The following SPATS1 variants were observed in gnomAD, a reference collection of about 807,000 sequenced individuals.
SPATS1 encodes spermatogenesis-associated serine-rich protein 1.
Under a neutral mutation model 33.6 loss-of-function variants are expected in SPATS1, and 23 were observed. That is an observed-to-expected ratio of 0.68 (90% CI 0.49 to 0.97). The LOEUF (loss-of-function observed/expected upper bound fraction) is 0.97. Ranked by LOEUF, SPATS1 falls within the 50% of genes least tolerant of loss-of-function variation. The pLI is 0.00. For synonymous variants in SPATS1, 131 were observed against 125.6 expected (o/e 1.04, Z -0.29); for missense variants, 327 against 361.0 (o/e 0.91, Z 0.76).
intron 5 of SPATS1, among the ~76,000 whole-genome samples, chr6:44,367,369 T>C (rs894297739): frequency 6.6e-6 from 1 of 152,208 alleles, no homozygotes; most frequent in Non-Finnish European, 1.5e-5. Context: ...CTGCTTTGAA[T>C]CCTCAGCATC....
intron 8 of SPATS1, 41 bp from the exon 9 acceptor site, chr6:44,376,994 G>C: frequency 1.2e-6 from 2 of 1,613,128 alleles, no homozygotes; most frequent in Non-Finnish European, 1.7e-6. Flanking sequence ...TGTTAGTTTT[G>C]TAATGGAAGA....
chr6:44,365,299 A>G (rs1258086964), intron 5 of SPATS1, among the ~76,000 whole-genome samples: 1 of 152,244 alleles, frequency 6.6e-6, no homozygotes, highest in Non-Finnish European at 1.5e-5. Context: ...AATGCCATCT[A>G]TGATTGTAGG....
At chr6:44,345,165 A>G (rs562257289) in intron 2 of SPATS1, among the ~76,000 whole-genome samples, 2 of 151,718 alleles carry the variant, frequency 1.3e-5, no homozygotes, top group East Asian at 1.9e-4. Flanking sequence ...ATCTTCTTTT[A>G]CCAGGGGAGG....
chr6:44,376,427 C>CA lies in SPATS1; in HGVS notation c.830dup (p.Asn277LysfsTer45), dbSNP rs1338899313. ...AGATACAAGAGGTTGAGGAGCTTGA[C>CA]AACTGGCAGCCAGCAGTGCCCTTAA... is the stretch of plus-strand genomic sequence containing the variant. On this transcript the variant is annotated frameshift_variant, in exon 8 of 9. Transcript: ENST00000674044. LOFTEE classifies it low-confidence loss of function (END_TRUNC). The CA allele has an allele frequency of 1.2e-6, 2 of 1,612,634 alleles. No homozygotes were observed. The highest frequency in any genetic ancestry group is 2.7e-5 in the African/African-American group (2 of 74,858).
chr6:44,361,630 A>G (rs1788926462), intron 4 of SPATS1: 1 of 787,916 alleles, frequency 1.3e-6, no homozygotes, highest in Non-Finnish European at 1.5e-6. Context: ...CCTCTTAGAT[A>G]GCTCTCCCCT....
Position 44,368,501 on chromosome 6 carries a change from T to A in SPATS1, c.695+2T>A, listed in dbSNP as rs1210157885. On this transcript the variant is annotated splice_donor_variant, in intron 6 of 8. Coordinates refer to ENST00000674044, the MANE Select transcript of SPATS1 (RefSeq NM_001372081.1). LOFTEE classifies it high-confidence loss of function. ...GCTCCCACCAGTGAATTTTTCAATG[T>A]AAGTGTATGTTAATACTAGCATTAT... 1 of 1,610,478 alleles carries A rather than the reference T, an allele frequency of 6.2e-7. No homozygotes were observed. Among genetic ancestry groups the A allele is most frequent in the East Asian group, 2.2e-5 (1 of 44,820 alleles).
Position 44,378,251 on chromosome 6 carries a change from A to T in SPATS1, c.*1188A>T, listed in dbSNP as rs1790058587. 6.6e-6 allele frequency: 1 copy of T among 152,130 alleles called. No homozygotes were observed. Among genetic ancestry groups the T allele is most frequent in the Non-Finnish European group, 1.5e-5 (1 of 68,034 alleles). The allele number at this position is 152,130 out of a possible 1,614,324, so 9.4% of individuals were successfully genotyped here. On this transcript the variant is annotated 3_prime_UTR_variant, in exon 9 of 9. Coordinates refer to ENST00000674044, the MANE Select transcript of SPATS1 (RefSeq NM_001372081.1). ...AAAGCTGCCTCACAGGCTTTGACAC[A>T]GTCAAACTAGTGACTCACGGCATTT...
rs1238335108 is a variant in SPATS1, at chr6:44,342,650, G to T, written c.-119G>T. The T allele has an allele frequency of 2.2e-6, 1 of 456,230 alleles. No homozygotes were observed. The highest frequency in any genetic ancestry group is 4.4e-6 in the Non-Finnish European group (1 of 226,954). The allele number at this position is 456,230 out of a possible 1,614,324, so 28.3% of individuals were successfully genotyped here. A position where few individuals can be genotyped will look rare whatever the true frequency, so the allele number is the denominator to read the frequency against. On this transcript the variant is annotated 5_prime_UTR_variant, in exon 1 of 9. Coordinates refer to ENST00000674044, the MANE Select transcript of SPATS1 (RefSeq NM_001372081.1). The stretch of plus-strand genomic sequence containing the variant: ...CTGGAGCCGGTGTCCCGGCAACCCC[G>T]GAACGCGCCTCTGTGGGAGAAGCAG...
chr6:44,375,244 G>T (rs1448073985), intron 7 of SPATS1, among the ~76,000 whole-genome samples: 1 of 152,174 alleles, frequency 6.6e-6, no homozygotes, highest in East Asian at 1.9e-4. Flanking sequence ...CAGGGTTGGG[G>T]GAACCCACAT....
intron 3 of SPATS1, among the ~76,000 whole-genome samples, chr6:44,358,897 TC>T (rs1456484655): frequency 1.1e-4 from 16 of 152,222 alleles, no homozygotes; most frequent in Non-Finnish European, 2.4e-4. Flanking sequence ...ATCATTCCTT[TC>T]TAAAAATTGT....
intron 7 of SPATS1, among the ~76,000 whole-genome samples, chr6:44,371,832 C>G (rs1054757616): frequency 2.6e-5 from 4 of 151,386 alleles, no homozygotes; most frequent in African/African-American, 7.3e-5. Context: ...GTGGTCCCAG[C>G]TACTCGGGAG....
intron 6 of SPATS1, among the ~76,000 whole-genome samples, chr6:44,368,957 T>C (rs543522890): frequency 3.1e-4 from 46 of 150,088 alleles, no homozygotes; most frequent in Middle Eastern, 3.5e-3. Context: ...AGTGCAGTGG[T>C]GCCATCTCAG....
At chr6:44,344,142 C>A (rs754496683) in intron 2 of SPATS1, among the ~76,000 whole-genome samples, 3 of 152,168 alleles carry the variant, frequency 2.0e-5, no homozygotes, top group Admixed American at 6.5e-5. Context: ...AAGCTCCAGA[C>A]CTTCCTGCAG....
chr6:44,352,859 G>T lies in SPATS1; in HGVS notation c.273G>T (p.Val91=), dbSNP rs756113252. The T allele has an allele frequency of 6.2e-7, 1 of 1,614,096 alleles. No individual in the cohort carries two copies. The highest frequency in any genetic ancestry group is 2.2e-5 in the East Asian group (1 of 44,878). The part of the protein sequence containing the change: ...SVSEPPGLPR[V]SAYVDTTADL... ...GTGAGCCTCCTGGCCTCCCCAGAGT[G>T]TCTGCTTACGTAGAGTAAGTAAGGG... is the stretch of plus-strand genomic sequence containing the variant. Residue 91 remains valine, a synonymous_variant, in exon 3 of 9, where the codon GTG becomes GTT. Coordinates refer to ENST00000674044, the MANE Select transcript of SPATS1 (RefSeq NM_001372081.1).
At chr6:44,346,470 C>T (rs1444449602) in intron 2 of SPATS1, among the ~76,000 whole-genome samples, 4 of 152,156 alleles carry the variant, frequency 2.6e-5, no homozygotes, top group Non-Finnish European at 4.4e-5. Flanking sequence ...ACTGCAGACT[C>T]GACCTCTCCA....
chr6:44,345,891 C>A (rs745827812), intron 2 of SPATS1, among the ~76,000 whole-genome samples: 34 of 152,310 alleles, frequency 2.2e-4, no homozygotes, highest in African/African-American at 8.2e-4. Context: ...GACATTCCCA[C>A]CAGCAATGAT....
At position 44,379,599 on chromosome 6, in the gene SPATS1, CAAAAAAAAAAAAAAAAAAA is replaced by C. The variant is rs55976441; in HGVS notation, c.*2546_*2564del. ...TGGGCAACAGAGTGAGACTCTGTCT[CAAAAAAAAAAAAAAAAAAA>C]AAAAAAAAAGAAAGAAAGAAAGAAA... On this transcript the variant is annotated 3_prime_UTR_variant, in exon 9 of 9. Transcript: ENST00000674044. 1.8e-5 allele frequency among the ~76,000 whole-genome samples: 1 copy of C among 54,742 alleles called. No individual in the cohort carries two copies. Among genetic ancestry groups the C allele is most frequent in the Non-Finnish European group, 3.1e-5 (1 of 32,096 alleles). 35.9% of individuals were successfully genotyped at this position (54,742 alleles called of 152,430 possible).
intron 2 of SPATS1, among the ~76,000 whole-genome samples, chr6:44,344,044 A>G (rs901652570): frequency 1.3e-5 from 2 of 152,184 alleles, no homozygotes; most frequent in African/African-American, 4.8e-5. Context: ...AGGACCGTAG[A>G]GAAGGAGGAG....
chr6:44,367,575 G>A (rs1181877604), intron 5 of SPATS1, among the ~76,000 whole-genome samples: 1 of 152,168 alleles, frequency 6.6e-6, no homozygotes, highest in African/African-American at 2.4e-5. Flanking sequence ...GAAGAATCTG[G>A]GTGTGTGGCA....
Sources: allele counts gnomAD v4.1 joint callset (sites outside exome capture counted in the v4.1 genomes callset), GRCh38; gene constraint gnomAD v4.1.1; transcripts MANE v1.5; gene names NCBI Gene and HGNC (gene_info 2026-07-23, HGNC 2026-07-21).